The following ATP13A2 variants were observed in gnomAD, a reference collection of about 807,000 sequenced individuals.
ATP13A2 encodes polyamine-transporting ATPase 13A2.
A neutral mutation model predicts 138.3 loss-of-function variants in ATP13A2; 83 were observed. That is an observed-to-expected ratio of 0.60 (90% CI 0.50 to 0.72). The LOEUF is 0.72. Among genes scored for constraint, ATP13A2 ranks in the 30% least tolerant of loss-of-function variants. The pLI is 0.00. For missense variants in ATP13A2, 1,402 were observed against 1,606.4 expected (o/e 0.87, Z 2.17); for synonymous variants, 663 against 699.0 (o/e 0.95, Z 0.81).
intron 16 of ATP13A2, among the ~76,000 whole-genome samples, 197 bp downstream of exon 16, chr1:16,993,432 G>A (rs893448156): frequency 6.6e-6 from 1 of 152,136 alleles, no homozygotes; most frequent in African/African-American, 2.4e-5. Context: ...GGGGTCCCGG[G>A]CTCAAGTGAT....
In ATP13A2 at chr1:16,996,398, G is replaced by A. The variant is rs1375989957; in HGVS notation, c.1294C>T (p.Leu432Phe). ...YKHSMKFVAA[L>F]SVLALLGTIY... is the part of the protein sequence containing the mutation. ...GGGGGCCACTCACCCAGGACAGAGA[G>A]GGCAGCCACAAACTTCATGCTGTGT... Residue 432 changes from leucine to phenylalanine, a missense_variant, in exon 13 of 29, where the codon CTC becomes TTC. Physicochemically the swap from Leu to Phe is conservative, Grantham distance 22. Coordinates refer to ENST00000326735, the MANE Select transcript of ATP13A2 (RefSeq NM_022089.4). 5 of 1,614,130 alleles carry A rather than the reference G, an allele frequency of 3.1e-6. No homozygotes were observed. Among genetic ancestry groups the A allele is most frequent in the Non-Finnish European group, 8.5e-7 (1 of 1,180,022 alleles).
Position 16,985,997 on chromosome 1 carries a change from C to A in ATP13A2, c.*224G>T. ...ATGACTTTATTTGCTACACTGACAG[C>A]AGCACTGAGGGGAGCTGGGGGCTGC... On this transcript the variant is annotated 3_prime_UTR_variant, in exon 29 of 29. Coordinates refer to ENST00000326735, the MANE Select transcript of ATP13A2 (RefSeq NM_022089.4). The A allele has an allele frequency of 6.9e-7, 1 of 1,452,310 alleles. No homozygotes were observed. The highest frequency in any genetic ancestry group is 1.5e-5 in the South Asian group (1 of 67,474). 90.0% of individuals were successfully genotyped at this position (1,452,310 alleles called of 1,614,324 possible).
intron 8 of ATP13A2, chr1:17,000,940 T>C: frequency 5.2e-6 from 1 of 191,960 alleles, no homozygotes; most frequent in Non-Finnish European, 1.1e-5. Context: ...AGACCCTGTC[T>C]CAAAAAAAAT....
chr1:16,997,965 C>T (rs938900311), intron 11 of ATP13A2, among the ~76,000 whole-genome samples: 1 of 152,172 alleles, frequency 6.6e-6, no homozygotes, highest in Admixed American at 6.6e-5. Flanking sequence ...AAAAGCACTG[C>T]ATGCTCGCCA....
In ATP13A2 at chr1:17,002,498, G is replaced by A. The variant is rs530950684; in HGVS notation, c.558-125C>T. On this transcript the variant is annotated intron_variant, in intron 6 of 28. Transcript: ENST00000326735. ...CCCCGTTCTGCCACACTGAGCTCCT[G>A]GGAGCAAGTAAGCCCCCTTGAACCC... The A allele has an allele frequency of 1.3e-4, 150 of 1,169,416 alleles. No homozygotes were observed. In the African/African-American group the frequency reaches 2.2e-3, roughly 17 times the overall value. The allele number at this position is 1,169,416 out of a possible 1,614,324, so 72.4% of individuals were successfully genotyped here.
rs952960223 is a variant in ATP13A2, at chr1:17,004,635, T to C, written c.477+57A>G. The C allele has an allele frequency of 6.2e-7, 1 of 1,613,738 alleles. No homozygotes were observed. The highest frequency in any genetic ancestry group is 8.5e-7 in the Non-Finnish European group (1 of 1,179,992). ...GAGAACATGAAGTCTGACTCTCCCATTGCACAGATCATGAAACCGAGGCCG... is the reference window on the plus strand; with the variant it reads ...GAGAACATGAAGTCTGACTCTCCCACTGCACAGATCATGAAACCGAGGCCG... On this transcript the variant is annotated intron_variant, in intron 5 of 28. Coordinates refer to ENST00000326735, the MANE Select transcript of ATP13A2 (RefSeq NM_022089.4). The surrounding 1 kb of genome is among the most constrained non-coding windows in gnomAD (Gnocchi z 4.1).
rs778282746 is a variant in ATP13A2 at position 16,986,672 on chromosome 1, C to G, written c.3236-40G>C. On this transcript the variant is annotated intron_variant, in intron 27 of 28. Coordinates refer to ENST00000326735, the MANE Select transcript of ATP13A2 (RefSeq NM_022089.4). The surrounding 1 kb of genome is among the most constrained non-coding windows in gnomAD (Gnocchi z 6.9). ...GTCTCTCAGGCAGGAGCCACGCCCCCCCGGCACCCACAGACACACGTGTGC... is the reference window on the plus strand; with the variant it reads ...GTCTCTCAGGCAGGAGCCACGCCCCGCCGGCACCCACAGACACACGTGTGC... 4 of 1,580,016 alleles carry G rather than the reference C, an allele frequency of 2.5e-6. No individual in the cohort carries two copies. Among genetic ancestry groups the G allele is most frequent in the Admixed American group, 1.8e-5 (1 of 55,176 alleles).
chr1:16,986,130 G>C lies in ATP13A2; in HGVS notation c.*91C>G. On this transcript the variant is annotated 3_prime_UTR_variant, in exon 29 of 29. Coordinates refer to ENST00000326735, the MANE Select transcript of ATP13A2 (RefSeq NM_022089.4). The surrounding 1 kb of genome is among the most constrained non-coding windows in gnomAD (Gnocchi z 6.9). Reference sequence around the variant, plus strand: ...GACAGTCGCCAACCTCAGGGATGTGGGAGGTGGTGGCGGTGGTGTTGCTGG... The same window carrying C: ...GACAGTCGCCAACCTCAGGGATGTGCGAGGTGGTGGCGGTGGTGTTGCTGG... 1 of 1,596,542 alleles carries C rather than the reference G, an allele frequency of 6.3e-7. No homozygotes were observed. The highest frequency in any genetic ancestry group is 1.3e-5 in the African/African-American group (1 of 74,904).
intron 1 of ATP13A2, among the ~76,000 whole-genome samples, chr1:17,010,041 C>T (rs901825019): frequency 1.3e-5 from 2 of 152,136 alleles, no homozygotes; most frequent in African/African-American, 2.4e-5. Flanking sequence ...GGGGCGAGAG[C>T]ACCTTCATGA....
At position 16,992,079 on chromosome 1, in the gene ATP13A2, G is replaced by A. The variant is rs1010184962; in HGVS notation, c.2056C>T (p.Arg686Cys). ...MLQSYTAAGY[R>C]VVALASKPLP... ...GGCTTGCTGGCCAGGGCCACGACAC[G>A]GTAGCCAGCAGCTGTATAGCTCTGC... The change falls in exon 19 of 29, where the codon CGT (arginine) becomes TGT (cysteine). Residue 686 changes from arginine (R) to cysteine (C), a missense_variant. Arg to Cys is a radical substitution (Grantham distance 180). Coordinates refer to ENST00000326735, the MANE Select transcript of ATP13A2 (RefSeq NM_022089.4). 6.2e-6 allele frequency: 10 copies of A among 1,613,424 alleles called. No homozygotes were observed. Among genetic ancestry groups the A allele is most frequent in the Middle Eastern group, 1.7e-4 (1 of 6,054 alleles).
At chr1:16,994,222 ATTTTTATT>A (rs1228573375) in intron 15 of ATP13A2, among the ~76,000 whole-genome samples, 11 of 139,290 alleles carry the variant, frequency 7.9e-5, no homozygotes, top group South Asian at 4.6e-4. Flanking sequence ...TTATTTATTT[ATTTTTATT>A]TTTATTTATT....
chr1:17,006,188 C>T (rs2077553628), intron 1 of ATP13A2, among the ~76,000 whole-genome samples: 1 of 152,008 alleles, frequency 6.6e-6, no homozygotes. Context: ...CTGACAGAGC[C>T]CAAAGCTCAT....
chr1:17,005,451 A>G lies in ATP13A2; in HGVS notation c.211T>C (p.Trp71Arg). The G allele has an allele frequency of 6.2e-7, 1 of 1,614,162 alleles. No homozygotes were observed. The highest frequency in any genetic ancestry group is 1.1e-5 in the South Asian group (1 of 91,084). The change falls in exon 3 of 29, where the codon TGG (tryptophan) becomes CGG (arginine). Residue 71 changes from tryptophan to arginine, a missense_variant. Transcript: ENST00000326735. ...PLLLFRWKPLWGVRLRLRPCN... is the reference protein window; with the variant it reads ...PLLLFRWKPLRGVRLRLRPCN... ...GGCCGGAGCCGCAGCCGCACCCCCC[A>G]CAGGGGCTTCCAACGGAAGAGCAGC...
chr1:17,011,597 A>G lies in ATP13A2; in HGVS notation c.10+132T>C. The G allele has an allele frequency of 8.3e-7, 1 of 1,199,690 alleles. No individual in the cohort carries two copies. The highest frequency in any genetic ancestry group is 1.1e-6 in the Non-Finnish European group (1 of 920,830). 74.3% of individuals were successfully genotyped at this position (1,199,690 alleles called of 1,614,324 possible). ...GGGAGGGGACGGGCCAGGATCCCCA[A>G]CCAGGTCCCGCTTCCTGGGCTCGCG... On this transcript the variant is annotated intron_variant, in intron 1 of 28. Transcript: ENST00000326735. This position sits in a 1 kb window ranked among gnomAD's most constrained non-coding sequence, Gnocchi z 7.3.
chr1:17,005,161 G>A, intron 3 of ATP13A2, 89 bp from the exon 4 acceptor site: 1 of 1,574,980 alleles, frequency 6.3e-7, no homozygotes, highest in Non-Finnish European at 8.7e-7. Flanking sequence ...TGCTGGAGAA[G>A]GCAGAAATCA....
chr1:17,001,619 G>A (rs1379807665), intron 8 of ATP13A2, among the ~76,000 whole-genome samples: 5 of 152,204 alleles, frequency 3.3e-5, no homozygotes, highest in Non-Finnish European at 2.9e-5. Context: ...CCTTGGCCAT[G>A]TCACAGCCTC....
Position 16,986,699 on chromosome 1 carries a change from C to T in ATP13A2, c.3236-67G>A, listed in dbSNP as rs1284853316. On this transcript the variant is annotated intron_variant, in intron 27 of 28. Transcript: ENST00000326735. This position sits in a 1 kb window ranked among gnomAD's most constrained non-coding sequence, Gnocchi z 6.9. ...CGGCACCCACAGACACACGTGTGCACGCCAGTCTTCCACTCGGCCGGCACC... is the reference window on the plus strand; with the variant it reads ...CGGCACCCACAGACACACGTGTGCATGCCAGTCTTCCACTCGGCCGGCACC... 1.9e-5 allele frequency: 30 copies of T among 1,568,030 alleles called. No homozygotes were observed. Among genetic ancestry groups the T allele is most frequent in the Admixed American group, 7.4e-5 (4 of 53,830 alleles).
At chr1:17,010,313 A>G (rs189518608) in intron 1 of ATP13A2, among the ~76,000 whole-genome samples, 196 of 152,108 alleles carry the variant, frequency 1.3e-3, no homozygotes, top group Non-Finnish European at 2.1e-3. Flanking sequence ...CCTGACCTCA[A>G]GTAATCCGCC....
rs2076873601 is a variant in ATP13A2, at chr1:16,990,073, C to A, written c.2412+54G>T. On this transcript the variant is annotated intron_variant, in intron 21 of 28. Coordinates refer to ENST00000326735, the MANE Select transcript of ATP13A2 (RefSeq NM_022089.4). The stretch of plus-strand genomic sequence containing the variant: ...GAGAGTTGGGGCCTGGGTCAGGTGA[C>A]ACAGGGGTGGGGTCACTGGGTGAGG... 6 of 1,613,934 alleles carry A rather than the reference C, an allele frequency of 3.7e-6. No individual in the cohort carries two copies. The Middle Eastern group carries it at 4.9e-4, about 133-fold the overall frequency.
Sources: allele counts gnomAD v4.1 joint callset (sites outside exome capture counted in the v4.1 genomes callset), GRCh38; gene constraint gnomAD v4.1.1; non-coding constraint Gnocchi (gnomAD v3.1); transcripts MANE v1.5; gene names NCBI Gene and HGNC (gene_info 2026-07-23, HGNC 2026-07-21).